The following ACBD6 variants were observed in gnomAD, a reference collection of about 807,000 sequenced individuals.
ACBD6 encodes the protein acyl-CoA-binding domain-containing protein 6.
A neutral mutation model predicts 37.2 loss-of-function variants in ACBD6; 28 were observed. The observed-to-expected ratio is 0.75, with a 90% CI of 0.56 to 1.03. The LOEUF is 1.03. Among genes scored for constraint, ACBD6 ranks in the 50% least tolerant of loss-of-function variants. The pLI is 0.00. For missense variants in ACBD6, 340 were observed against 337.4 expected (o/e 1.01, Z -0.06); for synonymous variants, 113 against 126.8 (o/e 0.89, Z 0.73).
intron 5 of ACBD6, among the ~76,000 whole-genome samples, chr1:180,398,544 A>C (rs932214730): frequency 1.3e-5 from 2 of 152,214 alleles, no homozygotes; most frequent in Non-Finnish European, 2.9e-5. Flanking sequence ...TGTGAAAGCC[A>C]CTTGTAAAAG....
intron 6 of ACBD6, among the ~76,000 whole-genome samples, chr1:180,333,720 G>A (rs900008800): frequency 1.3e-5 from 2 of 152,198 alleles, no homozygotes; most frequent in African/African-American, 2.4e-5. Context: ...GCAAGGCATC[G>A]CCTCACCCGG....
chr1:180,336,952 C>G (rs901844874), intron 6 of ACBD6, among the ~76,000 whole-genome samples: 44 of 152,162 alleles, frequency 2.9e-4, no homozygotes, highest in African/African-American at 1.0e-3. Flanking sequence ...CAAGACTAAA[C>G]CAGGAAGAAG....
At chr1:180,331,643 G>T (rs1651483227) in intron 6 of ACBD6, among the ~76,000 whole-genome samples, 3 of 152,154 alleles carry the variant, frequency 2.0e-5, no homozygotes, top group Admixed American at 1.3e-4. Flanking sequence ...AAACCAGGGG[G>T]ATCTGATAGA....
exon 14 of ACBD6, chr1:180,271,582 CAG>C (rs1160261500): frequency 6.2e-7 from 1 of 1,606,924 alleles, no homozygotes; most frequent in Non-Finnish European, 8.5e-7. Context: ...AGGCCCGGGA[CAG>C]GGGTGGAAGG....
chr1:180,306,425 TCA>T (rs1372005972), intron 7 of ACBD6, among the ~76,000 whole-genome samples: 1 of 152,158 alleles, frequency 6.6e-6, no homozygotes, highest in African/African-American at 2.4e-5. Context: ...TATTAGACTC[TCA>T]GAAGCACGCG....
At chr1:180,422,777 G>C (rs1349015096) in intron 4 of ACBD6, among the ~76,000 whole-genome samples, 1 of 152,144 alleles carries the variant, frequency 6.6e-6, no homozygotes, top group East Asian at 1.9e-4. Flanking sequence ...ACTGTTTACT[G>C]TTATACGCAG....
rs568200298 is a variant in ACBD6 at position 180,407,149 on chromosome 1, C to A, written c.573+6217G>T. ...CCTGATTAATAATAAAAGGGTTTGCCATCAGTATTCAAAGCTCAGCCTGAA... is the reference window on the plus strand; with the variant it reads ...CCTGATTAATAATAAAAGGGTTTGCAATCAGTATTCAAAGCTCAGCCTGAA... On this transcript the variant is annotated intron_variant, in intron 5 of 7. Coordinates refer to ENST00000367595, the MANE Select transcript of ACBD6 (RefSeq NM_032360.4). Among the ~76,000 whole-genome samples the A allele has an allele frequency of 2.6e-5, 4 of 152,212 alleles. No individual in the cohort carries two copies. In the South Asian group the frequency reaches 6.2e-4, roughly 24 times the overall value.
intron 7 of ACBD6, among the ~76,000 whole-genome samples, chr1:180,293,781 G>T (rs917418438): frequency 1.3e-5 from 2 of 151,966 alleles, no homozygotes; most frequent in Non-Finnish European, 2.9e-5. Flanking sequence ...TGTTGCCCTA[G>T]CTAGATGTAG....
intron 6 of ACBD6, among the ~76,000 whole-genome samples, chr1:180,360,846 A>G (rs1011333854): frequency 5.3e-5 from 8 of 152,210 alleles, no homozygotes; most frequent in Non-Finnish European, 1.0e-4. Context: ...TTATAGTTCT[A>G]TAACATAAAC....
At chr1:180,436,535 GTGTT>G (rs1649045474) in intron 3 of ACBD6, among the ~76,000 whole-genome samples, 1 of 152,138 alleles carries the variant, frequency 6.6e-6, no homozygotes, top group Admixed American at 6.5e-5. Context: ...TTCTTGCGTT[GTGTT>G]TTTTTGCCCT....
At chr1:180,450,555 G>C (rs577861383) in intron 3 of ACBD6, among the ~76,000 whole-genome samples, 5 of 152,130 alleles carry the variant, frequency 3.3e-5, no homozygotes, top group Non-Finnish European at 7.4e-5. Flanking sequence ...TCAGGAGATC[G>C]AGACCATCCT....
intron 6 of ACBD6, among the ~76,000 whole-genome samples, chr1:180,374,694 C>T (rs561219847): frequency 1.3e-5 from 2 of 152,222 alleles, no homozygotes; most frequent in African/African-American, 4.8e-5. Flanking sequence ...ATCACAAAGA[C>T]ACTATGTGAC....
intron 2 of ACBD6, among the ~76,000 whole-genome samples, chr1:180,494,581 C>T (rs2102095436): frequency 6.6e-6 from 1 of 152,274 alleles, no homozygotes. Context: ...GGGTAACAAA[C>T]AGTTGGCAGG....
At chr1:180,501,161 C>T (rs1651955375) in intron 1 of ACBD6, among the ~76,000 whole-genome samples, 1 of 152,108 alleles carries the variant, frequency 6.6e-6, no homozygotes, top group Admixed American at 6.5e-5. Context: ...TCTCTATGGC[C>T]TTCAGTTTCC....
intron 4 of ACBD6, among the ~76,000 whole-genome samples, chr1:180,425,327 GCC>G (rs1023950798): frequency 2.0e-5 from 3 of 152,152 alleles, no homozygotes; most frequent in Admixed American, 2.0e-4. Flanking sequence ...AGGGGGAGTT[GCC>G]CACTTGCCTA....
At chr1:180,317,133 G>A (rs756768670) in intron 6 of ACBD6, among the ~76,000 whole-genome samples, 14 of 152,284 alleles carry the variant, frequency 9.2e-5, no homozygotes, top group South Asian at 2.1e-4. Context: ...AGAAGTGTGC[G>A]CACACAGAAG....
chr1:180,456,211 C>G (rs866417061), intron 3 of ACBD6, among the ~76,000 whole-genome samples: 1 of 106,772 alleles, frequency 9.4e-6, no homozygotes, highest in African/African-American at 3.0e-5. Flanking sequence ...GACACCATTT[C>G]AAAAAAAAAA....
chr1:180,384,217 G>C (rs1653762734), intron 6 of ACBD6, among the ~76,000 whole-genome samples: 2 of 151,260 alleles, frequency 1.3e-5, no homozygotes, highest in African/African-American at 4.8e-5. Flanking sequence ...AGAGTAAAGA[G>C]TCAACCTATA....
intron 7 of ACBD6, among the ~76,000 whole-genome samples, chr1:180,291,228 C>T (rs927573132): frequency 2.0e-5 from 3 of 152,146 alleles, no homozygotes; most frequent in Admixed American, 1.3e-4. Context: ...TATGTTTTCA[C>T]AGCTTGTGGG....
Sources: gnomAD v4.1 joint callset for allele counts (sites outside exome capture counted in the v4.1 genomes callset) on GRCh38, gnomAD v4.1.1 for gene constraint, MANE v1.5 for transcripts, NCBI Gene and HGNC (gene_info 2026-07-23, HGNC 2026-07-21) for gene names.